Variants in CFAP299 observed in about 807,000 individuals in gnomAD.
CFAP299 encodes the protein cilia- and flagella-associated protein 299.
A neutral mutation model predicts 27.0 loss-of-function variants in CFAP299; 21 were observed. That is an observed-to-expected ratio of 0.78 (90% CI 0.55 to 1.12). The LOEUF (loss-of-function observed/expected upper bound fraction) is 1.12. Ranked by LOEUF, CFAP299 falls within the 50% of genes most tolerant of loss-of-function variation. CFAP299 has a pLI of 0.00. For synonymous variants in CFAP299, 104 were observed against 98.1 expected (o/e 1.06, Z -0.36); for missense variants, 310 against 276.6 (o/e 1.12, Z -0.86).
At chr4:80,543,570 A>C (rs898012911) in intron 2 of CFAP299, among the ~76,000 whole-genome samples, 6 of 152,248 alleles carry the variant, frequency 3.9e-5, no homozygotes, top group African/African-American at 1.4e-4. Flanking sequence ...AGGAAGCATC[A>C]ACAACCAAAT....
chr4:80,510,319 T>C (rs974686449), intron 2 of CFAP299, among the ~76,000 whole-genome samples: 1 of 152,190 alleles, frequency 6.6e-6, no homozygotes, highest in African/African-American at 2.4e-5. Flanking sequence ...ACCAGTCAGT[T>C]CACCCATCTT....
chr4:80,362,849 A>G lies in CFAP299; in HGVS notation c.207A>G (p.Ile69Met), dbSNP rs530743562. 174 of 1,612,142 alleles carry G rather than the reference A, an allele frequency of 1.1e-4. No individual in the cohort carries two copies. The South Asian group carries it at 1.9e-3, about 17-fold the overall frequency. ...ATTTTGAAGCAAGGAAAGCGGCTATAGAGATTGCAAGACTGGCTGAAAGAG... is the reference window on the plus strand; with the variant it reads ...ATTTTGAAGCAAGGAAAGCGGCTATGGAGATTGCAAGACTGGCTGAAAGAG... ...REDFEARKAAIEIARLAERAQ... is the reference protein window; with the variant it reads ...REDFEARKAAMEIARLAERAQ... Residue 69 changes from isoleucine (I) to methionine (M), a missense_variant, in exon 2 of 6, where the codon ATA (isoleucine) becomes ATG (methionine). Ile to Met is a conservative substitution (Grantham distance 10). Transcript: ENST00000358105.
chr4:80,584,913 T>C (rs1351773055), intron 3 of CFAP299, among the ~76,000 whole-genome samples: 1 of 152,010 alleles, frequency 6.6e-6, no homozygotes, highest in East Asian at 1.9e-4. Flanking sequence ...AATAATCAAA[T>C]AATCATTATT....
At chr4:80,411,273 T>G (rs1168571185) in intron 2 of CFAP299, among the ~76,000 whole-genome samples, 1 of 152,188 alleles carries the variant, frequency 6.6e-6, no homozygotes, top group Non-Finnish European at 1.5e-5. Context: ...AGAGGAAATT[T>G]GAAGAAACAG....
chr4:80,592,966 A>G (rs746311983), intron 3 of CFAP299, among the ~76,000 whole-genome samples: 6 of 152,214 alleles, frequency 3.9e-5, no homozygotes, highest in Admixed American at 6.5e-5. Flanking sequence ...AAATAATTCA[A>G]TGCTCTTTAC....
chr4:80,642,678 C>G (rs1739788309), intron 3 of CFAP299, among the ~76,000 whole-genome samples: 1 of 152,194 alleles, frequency 6.6e-6, no homozygotes, highest in Non-Finnish European at 1.5e-5. Context: ...GCAGGAGAAT[C>G]ACTTGAACCC....
At chr4:80,500,951 T>C (rs1163368641) in intron 2 of CFAP299, among the ~76,000 whole-genome samples, 2 of 152,124 alleles carry the variant, frequency 1.3e-5, no homozygotes, top group Non-Finnish European at 2.9e-5. Context: ...AATAACCTGC[T>C]GGAAGGTGAT....
chr4:80,640,875 T>C (rs1485587335), intron 3 of CFAP299, among the ~76,000 whole-genome samples: 1 of 152,228 alleles, frequency 6.6e-6, no homozygotes, highest in Non-Finnish European at 1.5e-5. Flanking sequence ...ATTACTTTGC[T>C]CTACAAAAAT....
chr4:80,713,983 A>G (rs1722324189), intron 3 of CFAP299, among the ~76,000 whole-genome samples: 1 of 152,158 alleles, frequency 6.6e-6, no homozygotes, highest in Admixed American at 6.6e-5. Context: ...TAGGCCACAG[A>G]GCAGCCTCTA....
At chr4:80,632,085 G>T (rs529701747) in intron 3 of CFAP299, among the ~76,000 whole-genome samples, 1 of 152,094 alleles carries the variant, frequency 6.6e-6, no homozygotes, top group African/African-American at 2.4e-5. Context: ...CCTGATCTTA[G>T]ATTTCTCAAC....
intron 2 of CFAP299, among the ~76,000 whole-genome samples, chr4:80,516,685 C>T (rs1002609946): frequency 6.6e-6 from 1 of 152,130 alleles, no homozygotes; most frequent in Non-Finnish European, 1.5e-5. Flanking sequence ...TTAGGGATCA[C>T]ATTTCAACAT....
At chr4:80,414,705 C>A (rs1361684156) in intron 2 of CFAP299, among the ~76,000 whole-genome samples, 1 of 152,138 alleles carries the variant, frequency 6.6e-6, no homozygotes, top group East Asian at 1.9e-4. Context: ...CCTGCCCATC[C>A]CCTGAAGGAC....
At chr4:80,364,100 A>C (rs191597279) in intron 2 of CFAP299, among the ~76,000 whole-genome samples, 2 of 138,172 alleles carry the variant, frequency 1.4e-5, no homozygotes, top group African/African-American at 6.9e-5. Context: ...ACACACACAC[A>C]CACACACACA....
intron 2 of CFAP299, among the ~76,000 whole-genome samples, chr4:80,392,256 G>A (rs1156589382): frequency 1.3e-5 from 2 of 152,108 alleles, no homozygotes; most frequent in Non-Finnish European, 2.9e-5. Context: ...TAAGACTTTG[G>A]GCTTGGACTT....
intron 2 of CFAP299, among the ~76,000 whole-genome samples, chr4:80,380,309 G>T (rs1470377346): frequency 2.0e-5 from 3 of 150,246 alleles, no homozygotes; most frequent in Non-Finnish European, 2.9e-5. Flanking sequence ...AAACTATATA[G>T]ACAAAATCCA....
chr4:80,429,337 T>C (rs1321808119), intron 2 of CFAP299, among the ~76,000 whole-genome samples: 3 of 152,220 alleles, frequency 2.0e-5, no homozygotes, highest in African/African-American at 4.8e-5. Context: ...ACTTGTATCA[T>C]TGAGAACAGA....
chr4:80,434,132 T>C (rs938492378), intron 2 of CFAP299, among the ~76,000 whole-genome samples: 1 of 152,192 alleles, frequency 6.6e-6, no homozygotes, highest in African/African-American at 2.4e-5. Context: ...TCTATAAACA[T>C]CATTAGAGCA....
At chr4:80,736,915 A>T (rs1376081308) in intron 3 of CFAP299, among the ~76,000 whole-genome samples, 1 of 152,196 alleles carries the variant, frequency 6.6e-6, no homozygotes, top group Non-Finnish European at 1.5e-5. Flanking sequence ...AACCAACCCA[A>T]ATGTCCAACA....
intron 2 of CFAP299, among the ~76,000 whole-genome samples, chr4:80,533,810 A>T (rs1031651835): frequency 6.6e-6 from 1 of 152,178 alleles, no homozygotes; most frequent in African/African-American, 2.4e-5. Flanking sequence ...AGTGAAATAT[A>T]GAATCCCACA....
Sources: allele counts gnomAD v4.1 joint callset (sites outside exome capture counted in the v4.1 genomes callset), GRCh38; gene constraint gnomAD v4.1.1; transcripts MANE v1.5; gene names NCBI Gene and HGNC (gene_info 2026-07-23, HGNC 2026-07-21).